SYTL2: variants seen among roughly 807,000 people sequenced by gnomAD.
The protein encoded by SYTL2 is synaptotagmin-like protein 2.
SYTL2 carries 165 observed loss-of-function variants against 198.7 expected under a neutral mutation model. The ratio of observed to expected loss-of-function variants is 0.83; its 90% CI spans 0.73 to 0.94. The LOEUF (loss-of-function observed/expected upper bound fraction) is 0.94, where lower values mean the gene tolerates loss of function less well. SYTL2 is among the 40% of genes least tolerant of loss of function. The pLI, the probability that SYTL2 is intolerant of heterozygous loss-of-function variation, is 0.00. For synonymous variants in SYTL2, 966 were observed against 917.7 expected, an observed-to-expected ratio of 1.05 and a Z score of -0.95; for missense variants, 2,835 against 2,582.8, an observed-to-expected ratio of 1.10 and a Z score of -2.12.
rs781447592 is a variant in SYTL2 at position 85,724,094 on chromosome 11, G to A, written c.5264C>T (p.Ser1755Phe). Residue 1755 changes from serine (S) to phenylalanine (F), a missense_variant, in exon 8 of 20, where the codon TCT becomes TTT. By Grantham distance (155) the Ser-to-Phe change is radical. Transcript: ENST00000359152. ...QEKEEEKEGF[S>F]ESDFSDGNTS... is the part of the protein sequence containing the mutation. ...GTTTCCATCTGAAAAATCAGACTCA[G>A]AGAAACCTTCTTTTTCTTCCTCTTT... The A allele has an allele frequency of 6.3e-7, 1 of 1,577,772 alleles. No individual in the cohort carries two copies. The highest frequency in any genetic ancestry group is 2.3e-5 in the East Asian group (1 of 44,206).
At chr11:85,837,155 T>A in the SYTL2 span, among the ~76,000 whole-genome samples, 1,872 of 152,328 alleles carry the variant, frequency 0.012, 16 homozygotes, top group Middle Eastern at 0.031. Context: ...CACACTTATT[T>A]GTAATGCTCC....
At chr11:85,711,283 G>C (rs1406342347) in intron 12 of SYTL2, 51 bp from the exon 13 acceptor site, 1 of 1,583,208 alleles carries the variant, frequency 6.3e-7, no homozygotes, top group Admixed American at 1.8e-5. Flanking sequence ...AATGAGTCAA[G>C]ATCAGAATCT....
intron 7 of SYTL2, among the ~76,000 whole-genome samples, chr11:85,729,431 GA>G (rs2089577596): frequency 6.6e-6 from 1 of 152,172 alleles, no homozygotes; most frequent in Admixed American, 6.5e-5. Flanking sequence ...TCAGGATTAA[GA>G]AACTCACTCA....
the SYTL2 span, among the ~76,000 whole-genome samples, chr11:85,826,109 T>C: frequency 1.3e-5 from 2 of 152,224 alleles, no homozygotes; most frequent in East Asian, 3.8e-4. Flanking sequence ...TTCATGAACA[T>C]TGATATTCCC....
At chr11:85,699,484 T>C (rs2083915981) in intron 17 of SYTL2, among the ~76,000 whole-genome samples, 1 of 152,114 alleles carries the variant, frequency 6.6e-6, no homozygotes, top group Non-Finnish European at 1.5e-5. Context: ...ATCTACCTTT[T>C]AGGAAAATCC....
At position 85,734,317 on chromosome 11, in the gene SYTL2, C is replaced by A. The variant is rs866366481; in HGVS notation, c.1012G>T (p.Val338Leu). 12 of 1,614,098 alleles carry A rather than the reference C, an allele frequency of 7.4e-6. 1 individual carries two copies. In the African/African-American group the frequency reaches 1.5e-4, roughly 20 times the overall value. ...EPLKHVRFSA[V>L]KDELPQSPGL... is the part of the protein sequence containing the mutation. ...GGACTCTGTGGAAGCTCATCCTTCACTGCAGAGAATCTCACATGCTTTAAT... is the reference window on the plus strand; with the variant it reads ...GGACTCTGTGGAAGCTCATCCTTCAATGCAGAGAATCTCACATGCTTTAAT... Residue 338 changes from valine to leucine, a missense_variant, in exon 7 of 20, where the codon GTG (valine) becomes TTG (leucine). This residue lies in a region of SYTL2 where 2,645 missense variants were observed against 2,381.7 expected (regional missense o/e 1.11). Coordinates refer to ENST00000359152, the MANE Select transcript of SYTL2 (RefSeq NM_206927.4).
At chr11:85,761,417 T>C (rs1267414433) in intron 1 of SYTL2, among the ~76,000 whole-genome samples, 3 of 151,974 alleles carry the variant, frequency 2.0e-5, no homozygotes, top group Non-Finnish European at 4.4e-5. Context: ...ATTCAAGAAA[T>C]GGCAAGGTGA....
chr11:85,755,231 C>G (rs1403966689), intron 2 of SYTL2, among the ~76,000 whole-genome samples: 1 of 152,146 alleles, frequency 6.6e-6, no homozygotes, highest in East Asian at 1.9e-4. Context: ...GGGGGTCAGG[C>G]TATGAGTTGA....
chr11:85,790,248 G>T (rs1225956612), intron 1 of SYTL2, among the ~76,000 whole-genome samples: 6 of 152,116 alleles, frequency 3.9e-5, no homozygotes, highest in African/African-American at 1.4e-4. Flanking sequence ...GGAACATTTT[G>T]GATTTCAGAT....
the SYTL2 span, among the ~76,000 whole-genome samples, chr11:85,846,931 A>G: frequency 6.6e-6 from 1 of 151,770 alleles, no homozygotes; most frequent in Non-Finnish European, 1.5e-5. Context: ...ATGGGGTGTC[A>G]CTATGTTGGT....
the SYTL2 span, among the ~76,000 whole-genome samples, chr11:85,827,484 CA>C: frequency 6.6e-6 from 1 of 152,152 alleles, no homozygotes; most frequent in Non-Finnish European, 1.5e-5. Flanking sequence ...TGGGCCTTTC[CA>C]GGGGCTGTTC....
At chr11:85,736,418 T>C (rs1009197685) in intron 6 of SYTL2, 83 bp downstream of exon 6, 5 of 706,232 alleles carry the variant, frequency 7.1e-6, no homozygotes, top group Non-Finnish European at 1.2e-5. Flanking sequence ...TGGAAGTTAT[T>C]TGAGCAAAAG....
At chr11:85,834,420 T>TG in the SYTL2 span, among the ~76,000 whole-genome samples, 1 of 152,156 alleles carries the variant, frequency 6.6e-6, no homozygotes, top group Non-Finnish European at 1.5e-5. Flanking sequence ...GCTTGTTTCT[T>TG]GCTTAGGAAG....
chr11:85,784,965 A>G (rs2092614401), intron 1 of SYTL2, among the ~76,000 whole-genome samples: 1 of 152,106 alleles, frequency 6.6e-6, no homozygotes, highest in Admixed American at 6.5e-5. Context: ...GCAACACATC[A>G]GCACTTGCAT....
chr11:85,770,668 A>G (rs2092337053), intron 1 of SYTL2, among the ~76,000 whole-genome samples: 1 of 152,020 alleles, frequency 6.6e-6, no homozygotes, highest in Non-Finnish European at 1.5e-5. Context: ...TGTTTATGCC[A>G]TTCTCTCTAC....
chr11:85,823,503 C>A, the SYTL2 span, among the ~76,000 whole-genome samples: 46,749 of 151,976 alleles, frequency 0.31, 8,349 homozygotes, highest in African/African-American at 0.47. Context: ...TATAGTTTAC[C>A]CATTATGCTT....
At chr11:85,788,553 T>A (rs1439227813) in intron 1 of SYTL2, among the ~76,000 whole-genome samples, 2 of 152,166 alleles carry the variant, frequency 1.3e-5, no homozygotes, top group Admixed American at 6.5e-5. Context: ...GCCAAAGTAA[T>A]CACATCACCT....
At chr11:85,732,646 G>T (rs1000284946) in intron 7 of SYTL2, among the ~76,000 whole-genome samples, 1 of 152,148 alleles carries the variant, frequency 6.6e-6, no homozygotes, top group Non-Finnish European at 1.5e-5. Flanking sequence ...TAATGTAGGT[G>T]ACAGGTTGAT....
the SYTL2 span, among the ~76,000 whole-genome samples, chr11:85,846,016 G>A: frequency 2.0e-5 from 3 of 152,354 alleles, no homozygotes; most frequent in South Asian, 2.1e-4. Flanking sequence ...TCTCGCTCCT[G>A]TGGCTTCAAC....
Sources: gnomAD v4.1 joint callset for allele counts (sites outside exome capture counted in the v4.1 genomes callset) on GRCh38, gnomAD v4.1.1 for gene constraint, gnomAD v4.1.1 regional missense constraint, MANE v1.5 for transcripts, NCBI Gene and HGNC (gene_info 2026-07-23, HGNC 2026-07-21) for gene names.